The following ANKS1B variants were observed in gnomAD, a reference collection of about 807,000 sequenced individuals.
The protein encoded by ANKS1B is ankyrin repeat and sterile alpha motif domain-containing protein 1B.
A neutral mutation model predicts 148.3 loss-of-function variants in ANKS1B; 36 were observed. That is an observed-to-expected ratio of 0.24 (90% CI 0.19 to 0.32). The LOEUF (loss-of-function observed/expected upper bound fraction) is 0.32. Among genes scored for constraint, ANKS1B ranks in the 10% least tolerant of loss-of-function variants. The probability of loss-of-function intolerance (pLI) is 1.00; values close to 1 mark genes in which losing one functional copy is unlikely to be tolerated. For synonymous variants in ANKS1B, 542 were observed against 560.8 expected (o/e 0.97, Z 0.47); for missense variants, 1,157 against 1,542.6 (o/e 0.75, Z 4.19).
intron 17 of ANKS1B, among the ~76,000 whole-genome samples, chr12:98,883,837 G>C (rs2099724729): frequency 6.6e-6 from 1 of 152,078 alleles, no homozygotes; most frequent in South Asian, 2.1e-4. Context: ...GTTTGATATT[G>C]TTATTTTTTA....
chr12:99,897,672 A>T (rs1015677445), intron 1 of ANKS1B, among the ~76,000 whole-genome samples: 1 of 150,980 alleles, frequency 6.6e-6, no homozygotes, highest in Non-Finnish European at 1.5e-5. Flanking sequence ...TTTAACAAAC[A>T]AGTATGCTAT....
chr12:98,773,034 G>A lies in ANKS1B; in HGVS notation c.3579+8C>T, dbSNP rs756223525. On this transcript the variant is annotated splice_region_variant and intron_variant, in intron 25 of 26. Transcript: ENST00000683438. The stretch of plus-strand genomic sequence containing the variant: ...TCTTTAATCTGTTGAAAGGGGGTGG[G>A]TACTCACCACATCAAAGGCAGTAAA... The A allele has an allele frequency of 6.2e-7, 1 of 1,613,790 alleles. No homozygotes were observed.
Position 98,845,210 on chromosome 12 carries a change from A to G in ANKS1B, c.2779-13074T>C, listed in dbSNP as rs1338047923. On this transcript the variant is annotated intron_variant, in intron 17 of 26. Coordinates refer to ENST00000683438, the MANE Select transcript of ANKS1B (RefSeq NM_001352186.2). ...CCTAACAAGGCTGGTAATTACCTTA[A>G]CTTTAGAAATGAATTAACTGAGGTT... Among the ~76,000 whole-genome samples the G allele has an allele frequency of 4.6e-5, 7 of 152,364 alleles. No individual in the cohort carries two copies. The East Asian group carries it at 1.3e-3, about 29-fold the overall frequency.
At chr12:99,854,444 A>C (rs1038340149) in intron 1 of ANKS1B, among the ~76,000 whole-genome samples, 1 of 152,248 alleles carries the variant, frequency 6.6e-6, no homozygotes, top group African/African-American at 2.4e-5. Flanking sequence ...CCAAGGAAGA[A>C]GAGAAATCTA....
intron 17 of ANKS1B, among the ~76,000 whole-genome samples, chr12:98,968,263 T>C (rs997643542): frequency 1.3e-5 from 2 of 152,104 alleles, no homozygotes; most frequent in African/African-American, 2.4e-5. Context: ...CTAGTAGTTC[T>C]CAAAGTGTAA....
intron 8 of ANKS1B, among the ~76,000 whole-genome samples, chr12:99,658,947 T>A (rs1243622530): frequency 6.6e-6 from 1 of 152,200 alleles, no homozygotes; most frequent in Non-Finnish European, 1.5e-5. Context: ...GTGTTGTGCA[T>A]AATGAAACAA....
intron 14 of ANKS1B, among the ~76,000 whole-genome samples, chr12:99,210,390 G>A (rs551239718): frequency 6.6e-6 from 1 of 151,858 alleles, no homozygotes; most frequent in Non-Finnish European, 1.5e-5. Context: ...ACCATTTTTT[G>A]CTCAGCAGGA....
At chr12:99,431,317 A>G (rs1049637845) in intron 11 of ANKS1B, among the ~76,000 whole-genome samples, 16 of 151,862 alleles carry the variant, frequency 1.1e-4, no homozygotes, top group African/African-American at 3.9e-4. Context: ...TGTAGATACC[A>G]CTCTGTAACA....
At chr12:99,702,390 G>C (rs1345525805) in intron 8 of ANKS1B, among the ~76,000 whole-genome samples, 1 of 151,916 alleles carries the variant, frequency 6.6e-6, no homozygotes, top group Non-Finnish European at 1.5e-5. Flanking sequence ...TCAGATTGTT[G>C]TATCTTTTTC....
At chr12:99,708,381 T>G (rs1389178450) in intron 8 of ANKS1B, among the ~76,000 whole-genome samples, 1 of 152,142 alleles carries the variant, frequency 6.6e-6, no homozygotes, top group Admixed American at 6.6e-5. Context: ...ATTAGTTTCT[T>G]TTGCTGCTGT....
At chr12:98,886,042 GGA>G (rs924192001) in intron 17 of ANKS1B, among the ~76,000 whole-genome samples, 8 of 150,358 alleles carry the variant, frequency 5.3e-5, no homozygotes, top group African/African-American at 2.0e-4. Flanking sequence ...AGGGAGGGAG[GGA>G]GAGAGAGAGA....
At chr12:99,502,470 G>A (rs1355795573) in intron 10 of ANKS1B, among the ~76,000 whole-genome samples, 1 of 151,500 alleles carries the variant, frequency 6.6e-6, no homozygotes. Context: ...TGGACCTCCA[G>A]TCATATCTCT....
intron 1 of ANKS1B, among the ~76,000 whole-genome samples, chr12:99,859,693 C>A (rs1420198775): frequency 6.6e-6 from 1 of 151,680 alleles, no homozygotes; most frequent in African/African-American, 2.4e-5. Flanking sequence ...GTCACCCAGG[C>A]TGGAGTGCAG....
intron 17 of ANKS1B, among the ~76,000 whole-genome samples, chr12:98,852,102 C>T (rs1270993137): frequency 2.7e-5 from 4 of 148,906 alleles, no homozygotes; most frequent in East Asian, 2.0e-4. Context: ...AATTCTGATG[C>T]CAATATTGAG....
chr12:99,715,295 A>G (rs1266278392), intron 8 of ANKS1B, among the ~76,000 whole-genome samples: 2 of 151,982 alleles, frequency 1.3e-5, no homozygotes, highest in Non-Finnish European at 2.9e-5. Context: ...AGAAGTGAAA[A>G]TGGCCTGTTC....
At chr12:99,873,657 T>C (rs568813549) in intron 1 of ANKS1B, among the ~76,000 whole-genome samples, 1 of 152,322 alleles carries the variant, frequency 6.6e-6, no homozygotes, top group Admixed American at 6.5e-5. Flanking sequence ...CATTCAAATC[T>C]CTGTTATTGT....
chr12:99,167,293 T>G (rs1387038892), intron 14 of ANKS1B, among the ~76,000 whole-genome samples: 1 of 151,848 alleles, frequency 6.6e-6, no homozygotes, highest in Non-Finnish European at 1.5e-5. Flanking sequence ...ATTAAGAGAA[T>G]GAAAAACAAA....
At chr12:99,358,920 G>C (rs2092263522) in intron 12 of ANKS1B, among the ~76,000 whole-genome samples, 1 of 152,140 alleles carries the variant, frequency 6.6e-6, no homozygotes, top group Non-Finnish European at 1.5e-5. Context: ...GGCAAGTAGA[G>C]TATGCTATGA....
intron 17 of ANKS1B, among the ~76,000 whole-genome samples, chr12:98,883,080 T>C (rs2099717415): frequency 6.6e-6 from 1 of 152,210 alleles, no homozygotes; most frequent in South Asian, 2.1e-4. Context: ...GAAAGGGTGA[T>C]GCTTACTTGT....
Sources: gnomAD v4.1 joint callset for allele counts (sites outside exome capture counted in the v4.1 genomes callset) on GRCh38, gnomAD v4.1.1 for gene constraint, MANE v1.5 for transcripts, NCBI Gene and HGNC (gene_info 2026-07-23, HGNC 2026-07-21) for gene names.